Variants in CDH23 observed in about 807,000 individuals in gnomAD.
CDH23 encodes cadherin related 23.
In CDH23, 189 loss-of-function variants were observed where a neutral mutation model predicts 317.1. The ratio of observed to expected loss-of-function variants is 0.60; its 90% CI spans 0.53 to 0.67. The LOEUF is 0.67. Among genes scored for constraint, CDH23 ranks in the 30% least tolerant of loss-of-function variants. CDH23 has a pLI of 0.00. For synonymous variants in CDH23, 1,839 were observed against 1,876.8 expected, an observed-to-expected ratio of 0.98 and a Z score of 0.52; for missense variants, 4,401 against 4,592.4, an observed-to-expected ratio of 0.96 and a Z score of 1.20.
At chr10:71,423,646 T>A (rs1848915371) in intron 1 of CDH23, among the ~76,000 whole-genome samples, 2 of 152,254 alleles carry the variant, frequency 1.3e-5, no homozygotes, top group East Asian at 1.9e-4. Context: ...TAGGGGAGAC[T>A]CAGCCTAAGC....
At chr10:71,772,585 T>C (rs1455705086) in intron 38 of CDH23, among the ~76,000 whole-genome samples, 1 of 152,198 alleles carries the variant, frequency 6.6e-6, no homozygotes, top group Admixed American at 6.5e-5. Flanking sequence ...GGGAAAATGG[T>C]GCTTCCCTGT....
chr10:71,576,664 C>G (rs934090770), intron 8 of CDH23, among the ~76,000 whole-genome samples: 1 of 152,180 alleles, frequency 6.6e-6, no homozygotes, highest in Non-Finnish European at 1.5e-5. Context: ...CCCAGGGGAA[C>G]ACTGTGGCCT....
chr10:71,701,985 C>T (rs367774438), intron 22 of CDH23, 37 bp from the exon 23 acceptor site: 132 of 1,605,426 alleles, frequency 8.2e-5, no homozygotes, highest in East Asian at 1.3e-4. Flanking sequence ...CCTCCCCAGG[C>T]GCGGCTCAGT....
At chr10:71,525,454 G>A (rs961234732) in intron 6 of CDH23, among the ~76,000 whole-genome samples, 1 of 152,220 alleles carries the variant, frequency 6.6e-6, no homozygotes, top group African/African-American at 2.4e-5. Context: ...ATGGAAGCAG[G>A]TTGTCTGCAC....
At chr10:71,661,315 A>G (rs917668972) in intron 14 of CDH23, among the ~76,000 whole-genome samples, 11 of 152,122 alleles carry the variant, frequency 7.2e-5, no homozygotes, top group Non-Finnish European at 8.8e-5. Context: ...CCACCTAAAA[A>G]GGGAACAAAG....
chr10:71,435,779 G>T lies in CDH23; in HGVS notation c.-5-4048G>T, dbSNP rs534721755. On this transcript the variant is annotated intron_variant, in intron 1 of 69. Transcript: ENST00000224721. ...AAGTGAGGAGGCCAGGAGGCTGGGG[G>T]AACAGCTATTGCACAGAGCAGAGTG... Among the ~76,000 whole-genome samples the T allele has an allele frequency of 3.7e-4, 56 of 152,354 alleles. 1 individual carries two copies. In the South Asian group the frequency reaches 6.0e-3, roughly 16 times the overall value.
At chr10:71,743,658 G>A (rs575338745) in intron 38 of CDH23, among the ~76,000 whole-genome samples, 1 of 152,198 alleles carries the variant, frequency 6.6e-6, no homozygotes, top group South Asian at 2.1e-4. Flanking sequence ...GGCAGAGAGG[G>A]GTATCATTTA....
chr10:71,738,848 G>A (rs1235087231), intron 35 of CDH23, among the ~76,000 whole-genome samples: 1 of 152,244 alleles, frequency 6.6e-6, no homozygotes, highest in East Asian at 1.9e-4. Flanking sequence ...CCCTGCCTGG[G>A]TCATGTGGAC....
chr10:71,482,538 T>C (rs1852124014), intron 3 of CDH23, among the ~76,000 whole-genome samples: 1 of 152,100 alleles, frequency 6.6e-6, no homozygotes, highest in South Asian at 2.1e-4. Flanking sequence ...ACAGGCCCCA[T>C]AGGAATGGGA....
intron 38 of CDH23, among the ~76,000 whole-genome samples, chr10:71,766,308 C>T (rs1840542888): frequency 6.6e-6 from 1 of 152,170 alleles, no homozygotes; most frequent in Non-Finnish European, 1.5e-5. Flanking sequence ...TGAGCATGTG[C>T]CAGGCGGGAA....
At chr10:71,584,834 GGCT>G (rs1000337162) in intron 9 of CDH23, among the ~76,000 whole-genome samples, 79 of 152,360 alleles carry the variant, frequency 5.2e-4, no homozygotes, top group Middle Eastern at 3.4e-3. Context: ...GTAGCACAAT[GGCT>G]GCCTGGAAGC....
chr10:71,509,242 C>T (rs1853816614), intron 3 of CDH23, among the ~76,000 whole-genome samples: 1 of 152,208 alleles, frequency 6.6e-6, no homozygotes, highest in African/African-American at 2.4e-5. Flanking sequence ...CACCTGGTCA[C>T]TCTTGAATGA....
At chr10:71,726,047 C>T (rs571188716) in intron 30 of CDH23, among the ~76,000 whole-genome samples, 88 of 152,326 alleles carry the variant, frequency 5.8e-4, no homozygotes, top group Non-Finnish European at 1.1e-3. Flanking sequence ...CCAGCCTTAT[C>T]TGTGCAGCCA....
At chr10:71,771,330 C>T (rs1206296297) in intron 38 of CDH23, among the ~76,000 whole-genome samples, 1 of 152,216 alleles carries the variant, frequency 6.6e-6, no homozygotes, top group African/African-American at 2.4e-5. Context: ...CTACCATTCT[C>T]CTCAGTGCTG....
At chr10:71,660,162 T>C (rs1002337820) in intron 14 of CDH23, among the ~76,000 whole-genome samples, 34 of 152,038 alleles carry the variant, frequency 2.2e-4, no homozygotes, top group Admixed American at 1.7e-3. Context: ...GGTTTCACCA[T>C]GTTGGCCAGG....
chr10:71,399,028 A>C (rs1317846325), intron 1 of CDH23, among the ~76,000 whole-genome samples: 2 of 152,188 alleles, frequency 1.3e-5, no homozygotes, highest in African/African-American at 4.8e-5. Context: ...GGGTTGTGAT[A>C]GCAGATGGTC....
intron 16 of CDH23, 52 bp from the exon 17 acceptor site, chr10:71,679,335 G>T: frequency 2.6e-5 from 28 of 1,060,480 alleles, no homozygotes; most frequent in Non-Finnish European, 3.6e-5. Flanking sequence ...ACCCTCTTCT[G>T]GCCCCCAGTC....
At chr10:71,548,100 C>T (rs1856384573) in intron 6 of CDH23, among the ~76,000 whole-genome samples, 1 of 152,166 alleles carries the variant, frequency 6.6e-6, no homozygotes, top group African/African-American at 2.4e-5. Context: ...GCTCTAAGTG[C>T]TTTTTGCCCT....
intron 17 of CDH23, among the ~76,000 whole-genome samples, 161 bp downstream of exon 17, chr10:71,679,653 G>A (rs1295636805): frequency 6.6e-6 from 1 of 152,212 alleles, no homozygotes; most frequent in African/African-American, 2.4e-5. Flanking sequence ...GCAGGATGTG[G>A]CCTGAGTCGC....
Sources: allele counts gnomAD v4.1 joint callset (sites outside exome capture counted in the v4.1 genomes callset), GRCh38; gene constraint gnomAD v4.1.1; transcripts MANE v1.5; gene names NCBI Gene and HGNC (gene_info 2026-07-23, HGNC 2026-07-21).